TAX1BP1: variants seen among roughly 807,000 people sequenced by gnomAD.
TAX1BP1 encodes the protein Tax1 binding protein 1, also known as tax1-binding protein 1.
In TAX1BP1, 62 loss-of-function variants were observed where a neutral mutation model predicts 97.7. The observed-to-expected ratio is 0.63, with a 90% CI of 0.52 to 0.78. The LOEUF is 0.78. Ranked by LOEUF, TAX1BP1 falls within the 30% of genes least tolerant of loss-of-function variation. TAX1BP1 has a pLI of 0.00. For synonymous variants in TAX1BP1, 340 were observed against 304.2 expected, an observed-to-expected ratio of 1.12 and a Z score of -1.23; for missense variants, 867 against 916.1, an observed-to-expected ratio of 0.95 and a Z score of 0.69.
chr7:27,797,622 T>C (rs1789986708), intron 12 of TAX1BP1, among the ~76,000 whole-genome samples: 1 of 151,588 alleles, frequency 6.6e-6, no homozygotes. Context: ...GCAAAATCTT[T>C]TAACCAAAGT....
chr7:27,804,960 C>T (rs775022337), intron 13 of TAX1BP1, among the ~76,000 whole-genome samples: 17 of 152,142 alleles, frequency 1.1e-4, no homozygotes, highest in Non-Finnish European at 2.1e-4. Flanking sequence ...TAATATTTTA[C>T]AAATAATACT....
At chr7:27,778,268 C>A (rs1391808620) in intron 5 of TAX1BP1, among the ~76,000 whole-genome samples, 1 of 151,964 alleles carries the variant, frequency 6.6e-6, no homozygotes, top group Non-Finnish European at 1.5e-5. Context: ...GTTAGGTGAA[C>A]CCAACAGTGT....
intron 5 of TAX1BP1, among the ~76,000 whole-genome samples, chr7:27,774,395 A>T (rs1788951270): frequency 6.6e-6 from 1 of 152,164 alleles, no homozygotes; most frequent in Non-Finnish European, 1.5e-5. Flanking sequence ...AACAAGTGGC[A>T]AAGTTGAGAA....
intron 13 of TAX1BP1, among the ~76,000 whole-genome samples, chr7:27,801,242 ATT>A (rs33986454): frequency 1.4e-5 from 2 of 145,934 alleles, no homozygotes; most frequent in African/African-American, 2.5e-5. Context: ...TATAATTTAC[ATT>A]TTTTTTTTTT....
At chr7:27,756,482 A>G (rs1397747429) in intron 2 of TAX1BP1, among the ~76,000 whole-genome samples, 2 of 152,146 alleles carry the variant, frequency 1.3e-5, no homozygotes, top group Non-Finnish European at 2.9e-5. Flanking sequence ...CTTATGTGAT[A>G]GGCACTGTGC....
Position 27,748,695 on chromosome 7 carries a change from GC to G in TAX1BP1, c.162+10del, listed in dbSNP as rs1787917054. 1.3e-6 allele frequency: 2 copies of G among 1,505,334 alleles called. No homozygotes were observed. The highest frequency in any genetic ancestry group is 1.8e-6 in the Non-Finnish European group (2 of 1,118,696). The allele number at this position is 1,505,334 out of a possible 1,614,324, so 93.2% of individuals were successfully genotyped here. On this transcript the variant is annotated intron_variant, in intron 2 of 16. Transcript: ENST00000396319. ...GGGTTGGTATATTCAAGGTAAGAAA[GC>G]TTTCTGAATATGTTCTCCATGTAAA...
At chr7:27,815,884 A>T (rs747368422) in intron 13 of TAX1BP1, among the ~76,000 whole-genome samples, 49 of 152,268 alleles carry the variant, frequency 3.2e-4, no homozygotes, top group Admixed American at 1.1e-3. Flanking sequence ...AAATACAAAA[A>T]TTAGCCAGGT....
intron 5 of TAX1BP1, among the ~76,000 whole-genome samples, chr7:27,775,633 C>A (rs1213405037): frequency 6.6e-6 from 1 of 152,138 alleles, no homozygotes; most frequent in Admixed American, 6.6e-5. Flanking sequence ...GTAGCTTATA[C>A]AAGTTGTGGC....
chr7:27,759,775 A>G (rs1788353838), intron 3 of TAX1BP1, among the ~76,000 whole-genome samples: 2 of 152,140 alleles, frequency 1.3e-5, no homozygotes, highest in South Asian at 4.1e-4. Flanking sequence ...GCTCAGGATT[A>G]TGAGATGAAT....
At chr7:27,804,230 A>G (rs148699244) in intron 13 of TAX1BP1, among the ~76,000 whole-genome samples, 85 of 152,358 alleles carry the variant, frequency 5.6e-4, no homozygotes, top group Non-Finnish European at 1.1e-3. Context: ...CCAAATGACC[A>G]GCGATGTTAC....
chr7:27,796,920 C>G (rs1023441227), intron 12 of TAX1BP1, among the ~76,000 whole-genome samples: 1 of 151,862 alleles, frequency 6.6e-6, no homozygotes, highest in Non-Finnish European at 1.5e-5. Context: ...CTTAAAGTGA[C>G]TAGACTTGCA....
At chr7:27,825,759 G>A (rs1008431193) in intron 15 of TAX1BP1, among the ~76,000 whole-genome samples, 3 of 152,158 alleles carry the variant, frequency 2.0e-5, no homozygotes, top group Admixed American at 2.0e-4. Context: ...ATTCATGGAA[G>A]CAGTAAATTG....
rs1790791395 is a variant in TAX1BP1 at position 27,816,939 on chromosome 7, C to G, written c.1986C>G (p.Val662=). ...FYPDEIQRPP[V]RVPSWGLEDN... is the part of the protein sequence containing the mutation. ...CAGATGAAATACAAAGGCCACCTGT[C>G]AGAGTCCCCTCTTGGGGACTGGAAG... is the stretch of plus-strand genomic sequence containing the variant. The change falls in exon 15 of 17, where the codon GTC becomes GTG. Residue 662 remains valine, a synonymous_variant. Coordinates refer to ENST00000396319, the MANE Select transcript of TAX1BP1 (RefSeq NM_006024.7). The G allele has an allele frequency of 6.2e-7, 1 of 1,614,034 alleles. No homozygotes were observed. The highest frequency in any genetic ancestry group is 2.2e-5 in the East Asian group (1 of 44,878).
At chr7:27,754,922 A>G (rs1397339729) in intron 2 of TAX1BP1, among the ~76,000 whole-genome samples, 1 of 151,988 alleles carries the variant, frequency 6.6e-6, no homozygotes, top group African/African-American at 2.4e-5. Context: ...TGTTGCTGGC[A>G]TATCTCATGC....
chr7:27,747,675 G>A (rs1291884887), intron 1 of TAX1BP1, among the ~76,000 whole-genome samples: 1 of 152,092 alleles, frequency 6.6e-6, no homozygotes, highest in Non-Finnish European at 1.5e-5. Context: ...CAAGAAGACA[G>A]GCTGGGTCTG....
At position 27,816,406 on chromosome 7, in the gene TAX1BP1, C is replaced by CA. The variant is rs762732202; in HGVS notation, c.1823dup (p.Ser609GlufsTer29). ...AAGGAAAATGGAAGGTCAGAATTCC[C>CA]AGAGTCCTCAATGTTTCAAAACATG... On this transcript the variant is annotated frameshift_variant, in exon 14 of 17. Coordinates refer to ENST00000396319, the MANE Select transcript of TAX1BP1 (RefSeq NM_006024.7). LOFTEE classifies it high-confidence loss of function. 6.3e-7 allele frequency: 1 copy of CA among 1,585,332 alleles called. No individual in the cohort carries two copies. Among genetic ancestry groups the CA allele is most frequent in the South Asian group, 1.2e-5 (1 of 84,316 alleles).
chr7:27,758,905 A>G (rs910653725), intron 3 of TAX1BP1, among the ~76,000 whole-genome samples: 3 of 152,164 alleles, frequency 2.0e-5, no homozygotes, highest in Non-Finnish European at 4.4e-5. Context: ...TTGCACAACA[A>G]TATGAATGTG....
At chr7:27,811,674 G>A (rs183863386) in intron 13 of TAX1BP1, among the ~76,000 whole-genome samples, 23 of 151,978 alleles carry the variant, frequency 1.5e-4, no homozygotes, top group African/African-American at 5.3e-4. Flanking sequence ...TTTGGCAAAT[G>A]CATGTAGTTC....
chr7:27,827,586 A>C (rs940432606), intron 15 of TAX1BP1, 152 bp from the exon 16 acceptor site: 9 of 611,442 alleles, frequency 1.5e-5, no homozygotes, highest in Non-Finnish European at 2.6e-5. Context: ...AGTTTCAAAC[A>C]TGTTTATTTG....
Sources: gnomAD v4.1 joint callset for allele counts (sites outside exome capture counted in the v4.1 genomes callset) on GRCh38, gnomAD v4.1.1 for gene constraint, MANE v1.5 for transcripts, NCBI Gene and HGNC (gene_info 2026-07-23, HGNC 2026-07-21) for gene names.